MALRD1: variants seen among roughly 807,000 people sequenced by gnomAD.
MALRD1 encodes the protein MAM and LDL-receptor class A domain-containing protein 1.
MALRD1 carries 247 observed loss-of-function variants against 242.1 expected under a neutral mutation model. That is an observed-to-expected ratio of 1.02 (90% confidence interval 0.92 to 1.13). The LOEUF (loss-of-function observed/expected upper bound fraction) is 1.13. Ranked by LOEUF, MALRD1 falls within the 50% of genes most tolerant of loss-of-function variation. MALRD1 has a pLI of 0.00. For synonymous variants in MALRD1, 995 were observed against 866.6 expected (o/e 1.15, Z -2.60); for missense variants, 2,989 against 2,533.1 (o/e 1.18, Z -3.86).
At chr10:19,104,972 ATCAGGGTAT>A (rs931579791) in intron 5 of MALRD1, among the ~76,000 whole-genome samples, 10 of 152,146 alleles carry the variant, frequency 6.6e-5, no homozygotes, top group Admixed American at 6.5e-5. Flanking sequence ...TAATGATTAA[ATCAGGGTAT>A]TTAACTTATT....
intron 21 of MALRD1, among the ~76,000 whole-genome samples, chr10:19,283,869 C>T (rs573861385): frequency 1.9e-4 from 29 of 152,278 alleles, no homozygotes; most frequent in Admixed American, 9.2e-4. Flanking sequence ...TGTGTGAGAA[C>T]GCTGCGGTAG....
chr10:19,559,515 C>T (rs144896735), intron 32 of MALRD1, among the ~76,000 whole-genome samples: 2 of 152,110 alleles, frequency 1.3e-5, no homozygotes, highest in East Asian at 3.9e-4. Flanking sequence ...TAAAATTTCT[C>T]TTGGAACTTC....
chr10:19,598,211 G>T (rs540523228), intron 34 of MALRD1: 46 of 152,284 alleles, frequency 3.0e-4, no homozygotes, highest in African/African-American at 1.1e-3. Flanking sequence ...GGATGGTCAG[G>T]TGATGAGGAA....
chr10:19,142,664 G>C (rs1833592569), intron 10 of MALRD1, among the ~76,000 whole-genome samples: 2 of 152,030 alleles, frequency 1.3e-5, no homozygotes, highest in African/African-American at 4.8e-5. Context: ...TTAAAATAAA[G>C]GCAACTAAGT....
intron 18 of MALRD1, among the ~76,000 whole-genome samples, chr10:19,213,236 A>T (rs1837154221): frequency 1.3e-5 from 2 of 152,170 alleles, no homozygotes; most frequent in Non-Finnish European, 2.9e-5. Flanking sequence ...AAATTCAGTT[A>T]CTTGAAATTT....
At chr10:19,099,763 A>ATATTT (rs1554788439) in intron 4 of MALRD1, among the ~76,000 whole-genome samples, 1,674 of 149,312 alleles carry the variant, frequency 0.011, 13 homozygotes, top group Admixed American at 0.016. Context: ...ATATATATAT[A>ATATTT]TTTTTTTTAA....
chr10:19,186,718 A>G (rs1835751488), intron 14 of MALRD1, among the ~76,000 whole-genome samples: 1 of 151,854 alleles, frequency 6.6e-6, no homozygotes, highest in Admixed American at 6.6e-5. Flanking sequence ...TATTTTTTTG[A>G]CAAGATCGTT....
chr10:19,214,332 C>T (rs917827798), intron 18 of MALRD1, among the ~76,000 whole-genome samples: 1 of 152,188 alleles, frequency 6.6e-6, no homozygotes, highest in Non-Finnish European at 1.5e-5. Context: ...TTGTTTGAGA[C>T]TGACTTTACA....
intron 36 of MALRD1, among the ~76,000 whole-genome samples, chr10:19,670,065 T>TGC (rs1338442776): frequency 2.6e-5 from 3 of 114,218 alleles, no homozygotes; most frequent in Non-Finnish European, 1.7e-5. Flanking sequence ...CCCTCGCACG[T>TGC]GCACACACAC....
chr10:19,285,570 C>T (rs960257389), intron 21 of MALRD1, among the ~76,000 whole-genome samples: 15 of 151,548 alleles, frequency 9.9e-5, no homozygotes, highest in East Asian at 1.9e-4. Context: ...TGTAGATATG[C>T]GGCGTTATTT....
intron 32 of MALRD1, among the ~76,000 whole-genome samples, chr10:19,565,000 A>C (rs189125482): frequency 1.3e-5 from 2 of 152,272 alleles, no homozygotes; most frequent in East Asian, 3.9e-4. Flanking sequence ...CACTTGACGT[A>C]ACATGTAATT....
intron 5 of MALRD1, among the ~76,000 whole-genome samples, chr10:19,105,224 T>C (rs746792171): frequency 3.5e-4 from 54 of 152,152 alleles, no homozygotes; most frequent in Admixed American, 7.9e-4. Context: ...TTCTATAAGA[T>C]AGGCTTTTGA....
Position 19,348,030 on chromosome 10 carries a change from A to G in MALRD1, c.4149+12A>G. 1 of 1,546,890 alleles carries G rather than the reference A, an allele frequency of 6.5e-7. No homozygotes were observed. Among genetic ancestry groups the G allele is most frequent in the Non-Finnish European group, 8.7e-7 (1 of 1,144,910 alleles). On this transcript the variant is annotated intron_variant, in intron 25 of 39. Transcript: ENST00000454679. ...GCAAAAACTGCAAGGTATGGGGAAAATCGAACCAACCAACCAAACAAACAC... is the reference window on the plus strand; with the variant it reads ...GCAAAAACTGCAAGGTATGGGGAAAGTCGAACCAACCAACCAAACAAACAC...
chr10:19,433,451 G>A (rs539699292), intron 28 of MALRD1, among the ~76,000 whole-genome samples: 1 of 152,264 alleles, frequency 6.6e-6, no homozygotes, highest in East Asian at 1.9e-4. Flanking sequence ...GTTGGGCAGA[G>A]GGCCTCTGAG....
intron 26 of MALRD1, among the ~76,000 whole-genome samples, chr10:19,369,200 A>G (rs112936840): frequency 0.041 from 5,956 of 146,006 alleles, 198 homozygotes; most frequent in African/African-American, 0.091. Context: ...ATAAGCTAAT[A>G]TTTAAATTTG....
rs1271655809 is a variant in MALRD1, at chr10:19,238,527, A to T, written c.2992-19157A>T. Among the ~76,000 whole-genome samples the T allele has an allele frequency of 2.6e-4, 23 of 89,366 alleles. 4 individuals carry two copies. Among genetic ancestry groups the T allele is most frequent in the African/African-American group, 9.1e-4 (20 of 21,946 alleles). The allele number at this position is 89,366 out of a possible 152,430, so 58.6% of individuals were successfully genotyped here. ...TAATATATAATGTATATTATATATA[A>T]TATACATTATATATAATATATAATG... On this transcript the variant is annotated intron_variant, in intron 18 of 39. Transcript: ENST00000454679.
intron 36 of MALRD1, among the ~76,000 whole-genome samples, chr10:19,685,032 A>G (rs528647948): frequency 1.5e-4 from 23 of 152,292 alleles, no homozygotes; most frequent in Middle Eastern, 3.4e-3. Flanking sequence ...TAGGATTTCT[A>G]TATACTTGGA....
At chr10:19,715,417 G>A (rs1158430741) in intron 38 of MALRD1, among the ~76,000 whole-genome samples, 1 of 151,174 alleles carries the variant, frequency 6.6e-6, no homozygotes. Context: ...TATATAAAAT[G>A]TAACATTCTG....
In MALRD1 at chr10:19,331,545, T is replaced by C; in HGVS notation, c.3864T>C (p.Asp1288=). The C allele has an allele frequency of 1.3e-6, 2 of 1,550,278 alleles. No homozygotes were observed. Among genetic ancestry groups the C allele is most frequent in the Non-Finnish European group, 1.7e-6 (2 of 1,146,788 alleles). The change falls in exon 24 of 40, where the codon GAT becomes GAC. Residue 1288 remains aspartate, a synonymous_variant. Transcript: ENST00000454679. ...ACAAGCTGTGTGATTTTGTGAATGA[T>C]TGTGCTGATAATTCAGATGAGACTA... ...AKDKLCDFVN[D]CADNSDETTF...
Sources: allele counts gnomAD v4.1 joint callset (sites outside exome capture counted in the v4.1 genomes callset), GRCh38; gene constraint gnomAD v4.1.1; transcripts MANE v1.5; gene names NCBI Gene and HGNC (gene_info 2026-07-23, HGNC 2026-07-21).